Variants in PLA2G4A observed in about 807,000 individuals in gnomAD.
The protein encoded by PLA2G4A is cytosolic phospholipase A2.
A neutral mutation model predicts 81.9 loss-of-function variants in PLA2G4A; 40 were observed. The observed-to-expected ratio is 0.49, with a 90% CI of 0.38 to 0.64. PLA2G4A has a LOEUF of 0.64. Ranked by LOEUF, PLA2G4A falls within the 30% of genes least tolerant of loss-of-function variation. PLA2G4A has a pLI of 0.00. For missense variants in PLA2G4A, 715 were observed against 905.1 expected (o/e 0.79, Z 2.69); for synonymous variants, 302 against 296.9 (o/e 1.02, Z -0.18).
At chr1:186,938,899 T>C in intron 8 of PLA2G4A, 109 bp from the exon 9 acceptor site, 1 of 726,012 alleles carries the variant, frequency 1.4e-6, no homozygotes, top group Non-Finnish European at 2.5e-6. Context: ...GATAATGAAG[T>C]TAACCAAATA....
At chr1:186,921,218 C>T (rs1267493560) in intron 7 of PLA2G4A, among the ~76,000 whole-genome samples, 3 of 152,090 alleles carry the variant, frequency 2.0e-5, no homozygotes, top group Admixed American at 6.6e-5. Flanking sequence ...CTTACATATT[C>T]TTGGGGGTTT....
At chr1:186,951,914 T>G (rs1656575541) in intron 13 of PLA2G4A, among the ~76,000 whole-genome samples, 1 of 152,156 alleles carries the variant, frequency 6.6e-6, no homozygotes, top group African/African-American at 2.4e-5. Context: ...CCTGCTGCGT[T>G]ATGTAGCCCA....
chr1:186,891,502 A>G (rs932571730), intron 3 of PLA2G4A, among the ~76,000 whole-genome samples: 3 of 148,932 alleles, frequency 2.0e-5, no homozygotes, highest in Non-Finnish European at 4.4e-5. Flanking sequence ...TGCCCCCTCC[A>G]TGGGTTCAAC....
chr1:186,879,798 A>T, intron 3 of PLA2G4A, among the ~76,000 whole-genome samples: 1 of 149,816 alleles, frequency 6.7e-6, no homozygotes, highest in East Asian at 2.0e-4. Context: ...TCTTTATTTT[A>T]ATTTTTTTAT....
rs1654670586 is a variant in PLA2G4A at position 186,904,629 on chromosome 1, GT to G, written c.379-2335del. ...GACAAGAACCTTGGCAGCACAGCCT[GT>G]AACATTCAAAATGGCAGAAAAATCC... is the stretch of plus-strand genomic sequence containing the variant. On this transcript the variant is annotated intron_variant, in intron 5 of 17. Transcript: ENST00000367466. Among the ~76,000 whole-genome samples, 8 of 152,346 alleles carry G rather than the reference GT, an allele frequency of 5.3e-5. No homozygotes were observed. The South Asian group carries it at 1.7e-3, about 32-fold the overall frequency.
At chr1:186,910,697 G>A (rs1013984829) in intron 6 of PLA2G4A, among the ~76,000 whole-genome samples, 1 of 152,118 alleles carries the variant, frequency 6.6e-6, no homozygotes, top group African/African-American at 2.4e-5. Flanking sequence ...TCCTCTAGTG[G>A]TAAACTCATT....
intron 1 of PLA2G4A, among the ~76,000 whole-genome samples, chr1:186,847,079 G>A (rs1186189060): frequency 4.6e-5 from 7 of 151,742 alleles, no homozygotes; most frequent in Non-Finnish European, 8.8e-5. Flanking sequence ...AAAAGGAAAT[G>A]TTTATAGAAT....
intron 8 of PLA2G4A, among the ~76,000 whole-genome samples, chr1:186,933,588 C>T (rs1257523978): frequency 2.0e-5 from 3 of 152,128 alleles, no homozygotes; most frequent in African/African-American, 7.2e-5. Context: ...AAAGTCCTTG[C>T]TCACATGTCT....
chr1:186,945,202 T>C (rs375329677), intron 10 of PLA2G4A, among the ~76,000 whole-genome samples: 1 of 152,230 alleles, frequency 6.6e-6, no homozygotes, highest in African/African-American at 2.4e-5. Context: ...TGTAAGGTGC[T>C]GAAGTGGGAA....
intron 5 of PLA2G4A, 36 bp downstream of exon 5, chr1:186,894,247 G>C (rs1654256211): frequency 1.3e-6 from 1 of 790,246 alleles, no homozygotes; most frequent in African/African-American, 2.1e-5. Flanking sequence ...CCAACCTTAT[G>C]TTAGATAAAG....
chr1:186,929,604 G>A (rs1309962861), intron 7 of PLA2G4A, among the ~76,000 whole-genome samples: 1 of 152,150 alleles, frequency 6.6e-6, no homozygotes, highest in Non-Finnish European at 1.5e-5. Context: ...CACAGCATTA[G>A]TTGGGGAAAA....
intron 15 of PLA2G4A, among the ~76,000 whole-genome samples, chr1:186,973,558 C>T (rs1185301846): frequency 1.3e-5 from 2 of 152,192 alleles, no homozygotes; most frequent in Non-Finnish European, 2.9e-5. Flanking sequence ...ATATTGGTCA[C>T]TCACATTGAG....
At chr1:186,941,659 T>C (rs1656159008) in intron 10 of PLA2G4A, among the ~76,000 whole-genome samples, 1 of 152,204 alleles carries the variant, frequency 6.6e-6, no homozygotes, top group Non-Finnish European at 1.5e-5. Context: ...TAACTTCTGA[T>C]GTGTACATAG....
In PLA2G4A at chr1:186,876,895, T is replaced by C. The variant is rs1426637716; in HGVS notation, c.115+6379T>C. Among the ~76,000 whole-genome samples, 4 of 152,220 alleles carry C rather than the reference T, an allele frequency of 2.6e-5. No individual in the cohort carries two copies. In the East Asian group the frequency reaches 7.7e-4, roughly 29 times the overall value. On this transcript the variant is annotated intron_variant, in intron 3 of 17. Transcript: ENST00000367466. ...GCTTTATCTCTCCAATGTTGCAGCC[T>C]CAGTCCTCTCACCTGTAGGGCGACC...
intron 14 of PLA2G4A, among the ~76,000 whole-genome samples, chr1:186,962,616 A>G (rs552634514): frequency 7.3e-5 from 11 of 151,680 alleles, no homozygotes; most frequent in Admixed American, 6.6e-5. Flanking sequence ...CCGTCTCCCG[A>G]GTTCACGCCA....
intron 3 of PLA2G4A, among the ~76,000 whole-genome samples, chr1:186,878,383 TC>T (rs983249079): frequency 6.7e-6 from 1 of 148,692 alleles, no homozygotes; most frequent in African/African-American, 2.4e-5. Flanking sequence ...TATAAATATT[TC>T]CTTAAATCAG....
chr1:186,916,890 T>G (rs777816801), intron 7 of PLA2G4A, among the ~76,000 whole-genome samples: 1 of 152,154 alleles, frequency 6.6e-6, no homozygotes, highest in Non-Finnish European at 1.5e-5. Flanking sequence ...AAGTCCAAAT[T>G]ATAAGGAAAA....
At chr1:186,939,909 T>C (rs1656088489) in intron 9 of PLA2G4A, 71 bp from the exon 10 acceptor site, 2 of 777,974 alleles carry the variant, frequency 2.6e-6, no homozygotes, top group Non-Finnish European at 4.7e-6. Flanking sequence ...TTGGAAGTAC[T>C]ATTTTGAATA....
chr1:186,848,706 C>G (rs936347447), intron 1 of PLA2G4A, among the ~76,000 whole-genome samples: 1 of 151,432 alleles, frequency 6.6e-6, no homozygotes, highest in African/African-American at 2.4e-5. Flanking sequence ...TCTTGTAGTT[C>G]TTAACCTAGT....
Sources: allele counts gnomAD v4.1 joint callset (sites outside exome capture counted in the v4.1 genomes callset), GRCh38; gene constraint gnomAD v4.1.1; transcripts MANE v1.5; gene names NCBI Gene and HGNC (gene_info 2026-07-23, HGNC 2026-07-21).